ABCC4: variants seen among roughly 807,000 people sequenced by gnomAD.
ABCC4 encodes the protein ATP-binding cassette sub-family C member 4.
Under a neutral mutation model 168.5 loss-of-function variants are expected in ABCC4, and 102 were observed. The ratio of observed to expected loss-of-function variants is 0.61; its 90% confidence interval spans 0.52 to 0.71. The LOEUF is 0.71. Among genes scored for constraint, ABCC4 ranks in the 30% least tolerant of loss-of-function variants. ABCC4 has a pLI of 0.00. For missense variants in ABCC4, 1,402 were observed against 1,605.8 expected (o/e 0.87, Z 2.17); for synonymous variants, 617 against 590.7 (o/e 1.04, Z -0.65).
At chr13:95,048,424 T>A (rs898142355) in intron 27 of ABCC4, among the ~76,000 whole-genome samples, 3 of 147,284 alleles carry the variant, frequency 2.0e-5, no homozygotes, top group Non-Finnish European at 4.5e-5. Flanking sequence ...GGATGTCAGA[T>A]TCTGTTTCCA....
intron 4 of ABCC4, among the ~76,000 whole-genome samples, chr13:95,227,808 C>T (rs2039507717): frequency 1.3e-5 from 2 of 152,152 alleles, no homozygotes; most frequent in South Asian, 2.1e-4. Context: ...CTCCTGGGTT[C>T]AAGCAATTCT....
intron 8 of ABCC4, among the ~76,000 whole-genome samples, chr13:95,200,781 C>G (rs1024718263): frequency 1.3e-5 from 2 of 152,176 alleles, no homozygotes; most frequent in African/African-American, 4.8e-5. Context: ...GAAGCAGAAT[C>G]TCCAAGGTGT....
chr13:95,106,386 C>A (rs967662768), intron 20 of ABCC4, among the ~76,000 whole-genome samples: 3 of 151,268 alleles, frequency 2.0e-5, no homozygotes, highest in African/African-American at 4.9e-5. Context: ...CGCACACACA[C>A]GTATATTTTA....
chr13:95,071,247 G>C (rs2033713940), intron 25 of ABCC4, among the ~76,000 whole-genome samples: 1 of 152,132 alleles, frequency 6.6e-6, no homozygotes, highest in Admixed American at 6.5e-5. Flanking sequence ...TGTGAAAACA[G>C]ACTAATACAG....
At chr13:95,143,364 T>C (rs935020178) in intron 19 of ABCC4, among the ~76,000 whole-genome samples, 4 of 152,196 alleles carry the variant, frequency 2.6e-5, no homozygotes, top group Admixed American at 6.5e-5. Flanking sequence ...CTATTAAAAG[T>C]TCAACTGCAT....
At chr13:95,218,993 A>AAGAGTG (rs1566540054) in intron 4 of ABCC4, among the ~76,000 whole-genome samples, 1 of 74,064 alleles carries the variant, frequency 1.4e-5, no homozygotes, top group East Asian at 3.8e-4. Context: ...AAGAGTGAGA[A>AAGAGTG]AGAAAGAAAG....
In ABCC4 at chr13:95,225,202, C is replaced by G. The variant is rs1045701425; in HGVS notation, c.531+9408G>C. On this transcript the variant is annotated intron_variant, in intron 4 of 30. Coordinates refer to ENST00000645237, the MANE Select transcript of ABCC4 (RefSeq NM_005845.5). ...ACACACACACACACACACACACACA[C>G]AGAGTATATTTGTTTTTATCCAAAG... Among the ~76,000 whole-genome samples, 240 of 146,658 alleles carry G rather than the reference C, an allele frequency of 1.6e-3. 1 individual carries two copies. Among genetic ancestry groups the G allele is most frequent in the African/African-American group, 5.8e-3 (230 of 39,556 alleles).
At chr13:95,084,832 G>A (rs755813226) in intron 20 of ABCC4, among the ~76,000 whole-genome samples, 21 of 152,242 alleles carry the variant, frequency 1.4e-4, no homozygotes, top group Admixed American at 3.3e-4. Flanking sequence ...ATTATCTTTG[G>A]AAATTACCTT....
At chr13:95,210,650 G>T (rs1032716249) in intron 5 of ABCC4, 42 bp downstream of exon 5, 1 of 1,474,610 alleles carries the variant, frequency 6.8e-7, no homozygotes, top group Admixed American at 1.7e-5. Flanking sequence ...GGAAAGAGGG[G>T]TGTTTAATGC....
chr13:95,233,939 A>G (rs1012798409), intron 4 of ABCC4, among the ~76,000 whole-genome samples: 1 of 152,206 alleles, frequency 6.6e-6, no homozygotes, highest in African/African-American at 2.4e-5. Context: ...CCAAACATCC[A>G]ACTATTTTCT....
chr13:95,028,803 T>C (rs569145710), intron 30 of ABCC4, among the ~76,000 whole-genome samples: 1 of 151,540 alleles, frequency 6.6e-6, no homozygotes, highest in East Asian at 1.9e-4. Flanking sequence ...GCTAACTTAA[T>C]TGGAAGTTAA....
intron 19 of ABCC4, among the ~76,000 whole-genome samples, chr13:95,160,707 C>T (rs2037069605): frequency 6.6e-6 from 1 of 152,176 alleles, no homozygotes; most frequent in African/African-American, 2.4e-5. Flanking sequence ...TACAAAAACC[C>T]TGTGTTTCCA....
chr13:95,180,159 A>C (rs2037842166), intron 11 of ABCC4, among the ~76,000 whole-genome samples: 1 of 152,200 alleles, frequency 6.6e-6, no homozygotes, highest in South Asian at 2.1e-4. Flanking sequence ...AGATGGCATC[A>C]AATGAAAGGT....
At chr13:95,227,299 T>C (rs1188329534) in intron 4 of ABCC4, among the ~76,000 whole-genome samples, 2 of 152,212 alleles carry the variant, frequency 1.3e-5, no homozygotes, top group South Asian at 2.1e-4. Context: ...AGCTATTCCC[T>C]AGCAAACTAG....
chr13:95,164,576 T>C (rs758788597), intron 15 of ABCC4, 58 bp from the exon 16 acceptor site: 68 of 1,581,196 alleles, frequency 4.3e-5, no homozygotes, highest in Non-Finnish European at 5.9e-5. Context: ...TTCCCAAAGA[T>C]GACAATGCAC....
intron 4 of ABCC4, among the ~76,000 whole-genome samples, chr13:95,228,037 A>G (rs553869724): frequency 9.7e-4 from 147 of 152,330 alleles, no homozygotes; most frequent in African/African-American, 3.2e-3. Context: ...CATACTATTC[A>G]GTCTAAATAT....
At chr13:95,030,193 T>G (rs1189920528) in intron 30 of ABCC4, among the ~76,000 whole-genome samples, 1 of 152,004 alleles carries the variant, frequency 6.6e-6, no homozygotes, top group African/African-American at 2.4e-5. Context: ...GCTAATTTTT[T>G]TATTTTTAGT....
chr13:95,040,236 C>T (rs944336055), intron 29 of ABCC4, among the ~76,000 whole-genome samples: 3 of 152,132 alleles, frequency 2.0e-5, no homozygotes. Flanking sequence ...CCAGTGTGTT[C>T]ATTTTTTATT....
intron 19 of ABCC4, chr13:95,149,021 C>A (rs1010965236): frequency 2.0e-5 from 3 of 152,154 alleles, no homozygotes; most frequent in African/African-American, 7.2e-5. Context: ...TTAAAATTCT[C>A]TAACGTATGA....
Sources: gnomAD v4.1 joint callset for allele counts (sites outside exome capture counted in the v4.1 genomes callset) on GRCh38, gnomAD v4.1.1 for gene constraint, MANE v1.5 for transcripts, NCBI Gene and HGNC (gene_info 2026-07-23, HGNC 2026-07-21) for gene names.